Variants in DCC observed in about 807,000 individuals in gnomAD.
The protein encoded by DCC is DCC netrin 1 receptor.
A neutral mutation model predicts 172.5 loss-of-function variants in DCC; 58 were observed. That is an observed-to-expected ratio of 0.34 (90% confidence interval 0.27 to 0.42). DCC has a LOEUF of 0.42. DCC is among the 10% of genes least tolerant of loss of function. DCC has a pLI of 1.00. For synonymous variants in DCC, 709 were observed against 644.5 expected (o/e 1.10, Z -1.52); for missense variants, 1,740 against 1,791.0 (o/e 0.97, Z 0.51).
intron 22 of DCC, among the ~76,000 whole-genome samples, chr18:53,446,404 A>G (rs1271128270): frequency 6.6e-6 from 1 of 152,122 alleles, no homozygotes; most frequent in Non-Finnish European, 1.5e-5. Flanking sequence ...ACAGTGCCCT[A>G]TAGGATATTT....
chr18:52,547,893 T>TAGCCCAAA (rs1469708805), intron 1 of DCC, among the ~76,000 whole-genome samples: 2 of 152,168 alleles, frequency 1.3e-5, no homozygotes, highest in Non-Finnish European at 2.9e-5. Flanking sequence ...CTTTGCCATG[T>TAGCCCAAA]AGCCCAAAAG....
At chr18:52,947,674 C>T (rs1371555806) in intron 5 of DCC, among the ~76,000 whole-genome samples, 3 of 152,180 alleles carry the variant, frequency 2.0e-5, no homozygotes, top group Non-Finnish European at 4.4e-5. Flanking sequence ...GGGATCCAGT[C>T]TGCTCATGGG....
At chr18:53,085,106 C>A (rs990498536) in intron 7 of DCC, among the ~76,000 whole-genome samples, 2 of 152,192 alleles carry the variant, frequency 1.3e-5, no homozygotes, top group Middle Eastern at 3.4e-3. Flanking sequence ...GCCTCCAGAA[C>A]AGAAGGAAAC....
intron 2 of DCC, among the ~76,000 whole-genome samples, chr18:52,793,738 C>T (rs1437634837): frequency 6.6e-6 from 1 of 152,140 alleles, no homozygotes; most frequent in African/African-American, 2.4e-5. Context: ...AAGCATTTCT[C>T]ATATTTTCTT....
chr18:52,582,320 T>C (rs2033567848), intron 1 of DCC, among the ~76,000 whole-genome samples: 1 of 152,156 alleles, frequency 6.6e-6, no homozygotes, highest in African/African-American at 2.4e-5. Context: ...TCCCCTTTAA[T>C]AGGAAGATGG....
chr18:52,990,538 CCCAAAAA>C (rs1171602489), intron 5 of DCC, among the ~76,000 whole-genome samples: 1 of 76,282 alleles, frequency 1.3e-5, no homozygotes, highest in African/African-American at 4.2e-5. Flanking sequence ...AAAACTCCAT[CCCAAAAA>C]AAAAAAAAAA....
At chr18:53,513,917 C>G (rs1322549319) in intron 27 of DCC, among the ~76,000 whole-genome samples, 1 of 151,086 alleles carries the variant, frequency 6.6e-6, no homozygotes. Context: ...GACAGAAAGT[C>G]AACAAGGATA....
chr18:52,652,711 A>AGTGTGT (rs71175513), intron 1 of DCC, among the ~76,000 whole-genome samples: 21,890 of 143,312 alleles, frequency 0.15, 1,714 homozygotes, highest in Non-Finnish European at 0.18. Context: ...ACTGCAATAA[A>AGTGTGT]GTGTGTGTGT....
chr18:52,343,298 G>A (rs1172707304), intron 1 of DCC, among the ~76,000 whole-genome samples: 1 of 152,184 alleles, frequency 6.6e-6, no homozygotes, highest in Non-Finnish European at 1.5e-5. Flanking sequence ...AGTAGGAGGT[G>A]CCCTTAATAA....
chr18:52,983,433 T>A (rs1418026429), intron 5 of DCC, among the ~76,000 whole-genome samples: 1 of 152,160 alleles, frequency 6.6e-6, no homozygotes, highest in East Asian at 1.9e-4. Context: ...TCTGGGAAAA[T>A]GGGCAGTGAC....
At chr18:53,490,774 C>T (rs1432484213) in intron 26 of DCC, among the ~76,000 whole-genome samples, 1 of 152,186 alleles carries the variant, frequency 6.6e-6, no homozygotes. Context: ...ATTTCACTGG[C>T]GGACCAGTTG....
rs1555697661 is a variant in DCC, at chr18:53,025,831, C to CAT, written c.986-37472_986-37471dup. ...ACACACACACACACACACACACACA[C>CAT]ATAAAACTTCCATATCTGAGGGTAT... On this transcript the variant is annotated intron_variant, in intron 5 of 28. Transcript: ENST00000442544. 4.7e-3 allele frequency among the ~76,000 whole-genome samples: 686 copies of CAT among 147,190 alleles called. 5 individuals are homozygous for CAT. Among genetic ancestry groups the CAT allele is most frequent in the African/African-American group, 0.017 (659 of 39,538 alleles).
rs529885401 is a variant in DCC, at chr18:53,192,933, C to T, written c.1574-12283C>T. 1.3e-3 allele frequency among the ~76,000 whole-genome samples: 193 copies of T among 152,270 alleles called. 2 individuals carry two copies. Among genetic ancestry groups the T allele is most frequent in the South Asian group, 2.1e-3 (10 of 4,822 alleles). On this transcript the variant is annotated intron_variant, in intron 9 of 28. Transcript: ENST00000442544. The stretch of plus-strand genomic sequence containing the variant: ...GCAAATCTGTATTGCAGGAGTCATT[C>T]CTGATGCTTCCATCAACTTCACTCT...
At position 52,889,540 on chromosome 18, in the gene DCC, G is replaced by A. The variant is rs549680981; in HGVS notation, c.413-16504G>A. On this transcript the variant is annotated intron_variant, in intron 2 of 28. Transcript: ENST00000442544. Reference sequence around the variant, plus strand: ...TAGCTATTGACATGAAAGCCATCAAGGTAAAGCAGGGATTGAGAAGTGGGG... The same window carrying A: ...TAGCTATTGACATGAAAGCCATCAAAGTAAAGCAGGGATTGAGAAGTGGGG... 1.2e-3 allele frequency among the ~76,000 whole-genome samples: 186 copies of A among 152,188 alleles called. 1 individual carries two copies. Among genetic ancestry groups the A allele is most frequent in the African/African-American group, 4.2e-3 (176 of 41,542 alleles).
chr18:53,055,162 G>C (rs1165313806), intron 5 of DCC, among the ~76,000 whole-genome samples: 1 of 152,058 alleles, frequency 6.6e-6, no homozygotes, highest in Non-Finnish European at 1.5e-5. Flanking sequence ...GGGACACAAA[G>C]ATAAATAAGA....
At chr18:52,964,150 A>T (rs2040890888) in intron 5 of DCC, among the ~76,000 whole-genome samples, 1 of 152,104 alleles carries the variant, frequency 6.6e-6, no homozygotes, top group African/African-American at 2.4e-5. Flanking sequence ...AGTAAATTTC[A>T]CTCTGCTCTT....
chr18:52,854,632 C>T (rs1328489613), intron 2 of DCC, among the ~76,000 whole-genome samples: 1 of 152,172 alleles, frequency 6.6e-6, no homozygotes, highest in Non-Finnish European at 1.5e-5. Context: ...CCTAGACATG[C>T]CACAGGTAAC....
At chr18:53,430,698 T>G (rs1174787404) in intron 21 of DCC, among the ~76,000 whole-genome samples, 1 of 152,136 alleles carries the variant, frequency 6.6e-6, no homozygotes, top group African/African-American at 2.4e-5. Context: ...TAGTAATAAC[T>G]TAAGATTTGT....
chr18:53,374,621 A>G (rs962277340), intron 15 of DCC, among the ~76,000 whole-genome samples: 9 of 152,180 alleles, frequency 5.9e-5, no homozygotes, highest in Admixed American at 3.9e-4. Context: ...AAGGCAAAAT[A>G]AAAATATAAA....
Sources: gnomAD v4.1 joint callset for allele counts (sites outside exome capture counted in the v4.1 genomes callset) on GRCh38, gnomAD v4.1.1 for gene constraint, MANE v1.5 for transcripts, NCBI Gene and HGNC (gene_info 2026-07-23, HGNC 2026-07-21) for gene names.